MYO7A: variants seen among roughly 807,000 people sequenced by gnomAD.
MYO7A encodes myosin VIIA, also known as unconventional myosin-VIIa.
In MYO7A, 210 loss-of-function variants were observed where a neutral mutation model predicts 263.8. The observed-to-expected ratio is 0.80, with a 90% CI of 0.71 to 0.89. The LOEUF (loss-of-function observed/expected upper bound fraction) is 0.89, where lower values mean the gene tolerates loss of function less well. MYO7A is among the 40% of genes least tolerant of loss of function. The pLI is 0.00. For synonymous variants in MYO7A, 1,239 were observed against 1,197.3 expected (o/e 1.03, Z -0.72); for missense variants, 2,820 against 2,968.3 (o/e 0.95, Z 1.16).
intron 27 of MYO7A, among the ~76,000 whole-genome samples, chr11:77,188,624 C>A (rs1207320550): frequency 6.6e-6 from 1 of 151,008 alleles, no homozygotes; most frequent in Non-Finnish European, 1.5e-5. Context: ...GAAGAACAAG[C>A]CCAGCAATAA....
At chr11:77,174,355 G>C (rs948970) in intron 16 of MYO7A, among the ~76,000 whole-genome samples, 90,605 of 152,078 alleles carry the variant, frequency 0.6, 27,636 homozygotes, top group African/African-American at 0.72. Flanking sequence ...TGGCCTGGAC[G>C]AGCCTCTCTA....
intron 21 of MYO7A, 34 bp from the exon 22 acceptor site, chr11:77,180,340 A>C (rs1955069837): frequency 6.3e-7 from 1 of 1,586,130 alleles, no homozygotes. Flanking sequence ...AGCTACACAC[A>C]TTTCCATGCC....
chr11:77,190,163 C>T (rs777343017), intron 29 of MYO7A, 24 bp downstream of exon 29: 35 of 1,539,046 alleles, frequency 2.3e-5, no homozygotes, highest in Admixed American at 4.0e-5. Flanking sequence ...TATGCACGTG[C>T]TCGTGTGCAT....
intron 2 of MYO7A, among the ~76,000 whole-genome samples, chr11:77,132,757 G>T (rs1186482784): frequency 6.6e-6 from 1 of 152,192 alleles, no homozygotes; most frequent in African/African-American, 2.4e-5. Context: ...AAAGTACTGG[G>T]ATTACAGGCG....
intron 42 of MYO7A, 55 bp downstream of exon 42, chr11:77,207,457 T>C: frequency 8.0e-7 from 1 of 1,249,314 alleles, no homozygotes; most frequent in Non-Finnish European, 1.2e-6. Context: ...CCATAGGAAC[T>C]TACGGACAGC....
intron 2 of MYO7A, among the ~76,000 whole-genome samples, chr11:77,137,220 C>G (rs1477254759): frequency 6.6e-6 from 1 of 152,158 alleles, no homozygotes; most frequent in Non-Finnish European, 1.5e-5. Flanking sequence ...CAGTCAGCTT[C>G]GTGCTGGACA....
At chr11:77,207,647 A>G (rs972186050) in intron 42 of MYO7A, among the ~76,000 whole-genome samples, 4 of 152,170 alleles carry the variant, frequency 2.6e-5, no homozygotes, top group Non-Finnish European at 5.9e-5. Flanking sequence ...CTGTGTTCTA[A>G]AAACACCAGA....
At position 77,138,471 on chromosome 11, in the gene MYO7A, C is replaced by T. The variant is rs1453894195; in HGVS notation, c.19-4238C>T. Among the ~76,000 whole-genome samples, 10 of 152,210 alleles carry T rather than the reference C, an allele frequency of 6.6e-5. No homozygotes were observed. Among genetic ancestry groups the T allele is most frequent in the Admixed American group, 5.2e-4 (8 of 15,282 alleles). ...GAGGGGGAGGGCGCCTCGCCCCGGG[C>T]CTCAGTTTCCCCGCCTGTTAGAAGC... On this transcript the variant is annotated intron_variant, in intron 2 of 48. Coordinates refer to ENST00000409709, the MANE Select transcript of MYO7A (RefSeq NM_000260.4). This position sits in a 1 kb window ranked among gnomAD's most constrained non-coding sequence, Gnocchi z 4.9.
Position 77,175,476 on chromosome 11 carries a change from T to C in MYO7A, c.2187+12T>C, listed in dbSNP as rs1555079593. The C allele has an allele frequency of 6.2e-7, 1 of 1,612,054 alleles. No individual in the cohort carries two copies. The highest frequency in any genetic ancestry group is 1.7e-5 in the Admixed American group (1 of 60,024). Reference sequence around the variant, plus strand: ...AGATCTTTCTGAAGGTGAGCACAGATGCCTTCCCTGGGCTGCCCTGGGGGG... The same window carrying C: ...AGATCTTTCTGAAGGTGAGCACAGACGCCTTCCCTGGGCTGCCCTGGGGGG... On this transcript the variant is annotated intron_variant, in intron 18 of 48. Coordinates refer to ENST00000409709, the MANE Select transcript of MYO7A (RefSeq NM_000260.4).
chr11:77,148,125 GCCGCTCGGCGGGGTCTCAT>G (rs1555055189), intron 4 of MYO7A, among the ~76,000 whole-genome samples, 175 bp downstream of exon 4: 1 of 152,218 alleles, frequency 6.6e-6, no homozygotes, highest in Non-Finnish European at 1.5e-5. Flanking sequence ...TCTGCCGGCA[GCCGCTCGGCGGGGTCTCAT>G]CCTCTTGGGC....
intron 47 of MYO7A, among the ~76,000 whole-genome samples, 187 bp downstream of exon 47, chr11:77,213,222 T>C (rs1957985721): frequency 6.6e-6 from 1 of 152,148 alleles, no homozygotes; most frequent in African/African-American, 2.4e-5. Flanking sequence ...CCAAAATTGC[T>C]CTCCTGAAGT....
intron 32 of MYO7A, 89 bp from the exon 33 acceptor site, chr11:77,197,392 G>C: frequency 1.0e-6 from 1 of 1,003,638 alleles, no homozygotes; most frequent in Non-Finnish European, 1.5e-6. Flanking sequence ...GCCCCAGGCT[G>C]CTCCTGGCTA....
At chr11:77,184,983 G>C in intron 27 of MYO7A, 1 of 659,740 alleles carries the variant, frequency 1.5e-6, no homozygotes, top group Non-Finnish European at 2.7e-6. Context: ...ACAATAAAGA[G>C]AGCTGCAGAA....
intron 16 of MYO7A, among the ~76,000 whole-genome samples, chr11:77,174,296 G>C (rs1436602904): frequency 6.6e-6 from 1 of 152,128 alleles, no homozygotes; most frequent in Non-Finnish European, 1.5e-5. Context: ...AACGTGAAAG[G>C]TCCTCCCTGG....
Position 77,198,527 on chromosome 11 carries a change from G to A in MYO7A, c.4474G>A (p.Ala1492Thr), listed in dbSNP as rs1956839708. The A allele has an allele frequency of 6.2e-7, 1 of 1,613,900 alleles. No individual in the cohort carries two copies. The highest frequency in any genetic ancestry group is 8.5e-7 in the Non-Finnish European group (1 of 1,179,886). The change falls in exon 34 of 49, where the codon GCC becomes ACC. Residue 1492 changes from alanine (A) to threonine (T), a missense_variant. By Grantham distance (58) the Ala-to-Thr change is moderately conservative. Coordinates refer to ENST00000409709, the MANE Select transcript of MYO7A (RefSeq NM_000260.4). ...PSLPKNDVIV[A>T]VNWTGVYFVD... ...TCTCCCCAAGAACGACGTCATCGTGGCCGTCAACTGGACGGGTGTGTACTT... is the reference window on the plus strand; with the variant it reads ...TCTCCCCAAGAACGACGTCATCGTGACCGTCAACTGGACGGGTGTGTACTT...
intron 15 of MYO7A, among the ~76,000 whole-genome samples, chr11:77,170,880 G>A (rs1164135060): frequency 2.0e-5 from 3 of 152,284 alleles, no homozygotes; most frequent in East Asian, 1.9e-4. Context: ...TAGGATTTGC[G>A]GATATATTAG....
intron 31 of MYO7A, among the ~76,000 whole-genome samples, chr11:77,193,156 CGATGGTGTTGGT>C (rs1213281108): frequency 4.8e-5 from 2 of 41,304 alleles, no homozygotes; most frequent in African/African-American, 2.1e-4. Context: ...GTGGAGGTAG[CGATGGTGTTGGT>C]GATGGTGGAG....
At chr11:77,210,260 A>G (rs1318112034) in intron 44 of MYO7A, among the ~76,000 whole-genome samples, 2 of 152,202 alleles carry the variant, frequency 1.3e-5, no homozygotes, top group African/African-American at 4.8e-5. Context: ...TGGCTCATAG[A>G]TGTTCAATGC....
rs764414261 is a variant in MYO7A at position 77,213,045 on chromosome 11, G to A, written c.6438+10G>A. 9.0e-6 allele frequency: 14 copies of A among 1,564,172 alleles called. No homozygotes were observed. In the Admixed American group the frequency reaches 2.7e-4, roughly 30 times the overall value. Reference sequence around the variant, plus strand: ...CGATCCCAAAACGAAGGTGAGCAGGGATAAGGCAGCAAGTGGGGGCGGGCT... The same window carrying A: ...CGATCCCAAAACGAAGGTGAGCAGGAATAAGGCAGCAAGTGGGGGCGGGCT... On this transcript the variant is annotated intron_variant, in intron 47 of 48. Transcript: ENST00000409709.
Sources: allele counts gnomAD v4.1 joint callset (sites outside exome capture counted in the v4.1 genomes callset), GRCh38; gene constraint gnomAD v4.1.1; non-coding constraint Gnocchi (gnomAD v3.1); transcripts MANE v1.5; gene names NCBI Gene and HGNC (gene_info 2026-07-23, HGNC 2026-07-21).